Variants in ABCC2 observed in about 807,000 individuals in gnomAD.
The protein encoded by ABCC2 is ATP-binding cassette sub-family C member 2.
In ABCC2, 157 loss-of-function variants were observed where a neutral mutation model predicts 173.4. The observed-to-expected ratio is 0.91, with a 90% CI of 0.80 to 1.03. The LOEUF (loss-of-function observed/expected upper bound fraction) is 1.03. Among genes scored for constraint, ABCC2 ranks in the 50% least tolerant of loss-of-function variants. The pLI is 0.00. For missense variants in ABCC2, 1,822 were observed against 1,852.3 expected (o/e 0.98, Z 0.30); for synonymous variants, 657 against 693.5 (o/e 0.95, Z 0.83).
chr10:99,814,589 A>G (rs1391238977), intron 16 of ABCC2, among the ~76,000 whole-genome samples: 1 of 99,548 alleles, frequency 1.0e-5, no homozygotes, highest in Non-Finnish European at 2.2e-5. Context: ...GTGTATATAC[A>G]CATATACACA....
At chr10:99,814,378 C>CACGTATGTATACACACATGT in intron 16 of ABCC2, among the ~76,000 whole-genome samples, 1 of 24,126 alleles carries the variant, frequency 4.1e-5, no homozygotes, top group South Asian at 1.3e-3. Flanking sequence ...TATATATACA[C>CACGTATGTATACACACATGT]ATATATACAT....
intron 2 of ABCC2, among the ~76,000 whole-genome samples, chr10:99,790,148 A>G (rs1216303902): frequency 6.6e-6 from 1 of 152,208 alleles, no homozygotes; most frequent in Non-Finnish European, 1.5e-5. Context: ...AGGATATGTG[A>G]ACTCAGAATT....
At chr10:99,835,687 T>A (rs2038808979) in intron 24 of ABCC2, among the ~76,000 whole-genome samples, 1 of 152,138 alleles carries the variant, frequency 6.6e-6, no homozygotes, top group Non-Finnish European at 1.5e-5. Flanking sequence ...CCATCCCCAC[T>A]TTACACACCC....
chr10:99,810,159 A>C lies in ABCC2; in HGVS notation c.1841A>C (p.Glu614Ala), dbSNP rs781715954. The change falls in exon 14 of 32, where the codon GAG (glutamate) becomes GCG (alanine). Residue 614 changes from glutamate (E) to alanine (A), a missense_variant. Coordinates refer to ENST00000647814, the MANE Select transcript of ABCC2 (RefSeq NM_000392.5). ...LQASVSTERL[E>A]KYLGGDDLDT... Reference sequence around the variant, plus strand: ...GCCAGTGTTTCCACAGAGCGGCTAGAGAAGTACTTGGGAGGGGATGACTTG... The same window carrying C: ...GCCAGTGTTTCCACAGAGCGGCTAGCGAAGTACTTGGGAGGGGATGACTTG... 14 of 1,613,522 alleles carry C rather than the reference A, an allele frequency of 8.7e-6. No individual in the cohort carries two copies. The highest frequency in any genetic ancestry group is 1.1e-5 in the Non-Finnish European group (13 of 1,179,630).
chr10:99,787,393 T>G (rs910614340), intron 2 of ABCC2, among the ~76,000 whole-genome samples: 4 of 152,204 alleles, frequency 2.6e-5, no homozygotes, highest in Non-Finnish European at 5.9e-5. Flanking sequence ...CTTAGCACAA[T>G]GTGTTCAAGG....
In ABCC2 at chr10:99,834,495, T is replaced by C; in HGVS notation, c.3374T>C (p.Ile1125Thr). Reference protein sequence around the residue: ...MICMATPVFTIIVIPLGIIYV... With the variant: ...MICMATPVFTTIVIPLGIIYV... ...TGCATGGCCACTCCTGTCTTCACCA[T>C]CATCGTCATTCCTCTTGGCATTATT... The change falls in exon 24 of 32, where the codon ATC becomes ACC. Residue 1125 changes from isoleucine (I) to threonine (T), a missense_variant. Ile to Thr is a moderately conservative substitution (Grantham distance 89). Transcript: ENST00000647814. 6.2e-7 allele frequency: 1 copy of C among 1,614,202 alleles called. No individual in the cohort carries two copies. Among genetic ancestry groups the C allele is most frequent in the Non-Finnish European group, 8.5e-7 (1 of 1,180,038 alleles).
chr10:99,793,334 A>T (rs1180316649), intron 3 of ABCC2, among the ~76,000 whole-genome samples: 1 of 152,128 alleles, frequency 6.6e-6, no homozygotes, highest in Non-Finnish European at 1.5e-5. Flanking sequence ...ATCCCACTCA[A>T]GTGTGGTCCA....
chr10:99,797,010 A>T, intron 6 of ABCC2, 87 bp from the exon 7 acceptor site: 3 of 1,173,858 alleles, frequency 2.6e-6, no homozygotes, highest in Non-Finnish European at 2.5e-6. Flanking sequence ...TCTATCCCAG[A>T]ACCTGGAGGT....
In ABCC2 at chr10:99,808,221, A is replaced by G. The variant is rs1168560333; in HGVS notation, c.1807A>G (p.Met603Val). ...CATGCTTCCCATGATGATCTCCTCC[A>G]TGCTCCAGGTAGGTCGGCATTCTCA... is the stretch of plus-strand genomic sequence containing the variant. ...LSMLPMMISS[M>V]LQASVSTERL... The change falls in exon 13 of 32, where the codon ATG (methionine) becomes GTG (valine). Residue 603 changes from methionine (M) to valine (V), a missense_variant. Transcript: ENST00000647814. 1 of 1,614,062 alleles carries G rather than the reference A, an allele frequency of 6.2e-7. No homozygotes were observed. The highest frequency in any genetic ancestry group is 1.1e-5 in the South Asian group (1 of 91,074).
chr10:99,831,934 G>T, intron 22 of ABCC2, 43 bp from the exon 23 acceptor site: 1 of 1,614,100 alleles, frequency 6.2e-7, no homozygotes, highest in African/African-American at 1.3e-5. Context: ...AAGTCTTCAG[G>T]GATTCCTGTG....
At position 99,843,716 on chromosome 10, in the gene ABCC2, G is replaced by A. The variant is rs1377605036; in HGVS notation, c.3742-83G>A. The A allele has an allele frequency of 4.5e-6, 5 of 1,109,626 alleles. No individual in the cohort carries two copies. The East Asian group carries it at 7.0e-5, about 16-fold the overall frequency. 68.7% of individuals were successfully genotyped at this position (1,109,626 alleles called of 1,614,324 possible). On this transcript the variant is annotated intron_variant, in intron 26 of 31. Coordinates refer to ENST00000647814, the MANE Select transcript of ABCC2 (RefSeq NM_000392.5). The stretch of plus-strand genomic sequence containing the variant: ...CCAGCACAGTGCTGGGTACAAAGTC[G>A]GCACTGGATTGTCCTTGTGGTTTGA...
rs145350474 is a variant in ABCC2, at chr10:99,793,634, G to T, written c.417G>T (p.Ser139=). ...TCCTGTCCCTATTCTGGATTCTCTCGATACTCTGTGGCACTTTCCAATTTC... is the reference window on the plus strand; with the variant it reads ...TCCTGTCCCTATTCTGGATTCTCTCTATACTCTGTGGCACTTTCCAATTTC... The part of the protein sequence containing the change: ...SWFLSLFWIL[S]ILCGTFQFQT... The change falls in exon 4 of 32, where the codon TCG becomes TCT. Residue 139 remains serine (S), a synonymous_variant. Coordinates refer to ENST00000647814, the MANE Select transcript of ABCC2 (RefSeq NM_000392.5). 9.9e-6 allele frequency: 16 copies of T among 1,613,944 alleles called. No individual in the cohort carries two copies. Among genetic ancestry groups the T allele is most frequent in the Admixed American group, 3.3e-5 (2 of 59,984 alleles).
chr10:99,847,161 A>G (rs2133152601), intron 30 of ABCC2, 34 bp downstream of exon 30: 2 of 1,613,228 alleles, frequency 1.2e-6, no homozygotes, highest in Non-Finnish European at 1.7e-6. Flanking sequence ...CCTGCAGGCA[A>G]TGAGAGGATG....
intron 25 of ABCC2, among the ~76,000 whole-genome samples, chr10:99,840,503 C>CTTTTA (rs369102850): frequency 5.5e-4 from 73 of 133,580 alleles, no homozygotes; most frequent in East Asian, 3.7e-3. Context: ...TTTTCTTTTC[C>CTTTTA]TTTTATTTTA....
chr10:99,843,827 G>A lies in ABCC2; in HGVS notation c.3770G>A (p.Arg1257Lys), dbSNP rs368653746. The A allele has an allele frequency of 1.2e-6, 2 of 1,614,162 alleles. No homozygotes were observed. Among genetic ancestry groups the A allele is most frequent in the Non-Finnish European group, 1.7e-6 (2 of 1,180,022 alleles). ...NITQTLNWLV[R>K]MTSEIETNIV... ...ACACAAACCCTGAACTGGCTGGTGA[G>A]GATGACATCAGAAATAGAGACCAAC... The change falls in exon 27 of 32, where the codon AGG (arginine) becomes AAG (lysine). Residue 1257 changes from arginine (R) to lysine (K), a missense_variant. Physicochemically the swap from Arg to Lys is conservative, Grantham distance 26. Coordinates refer to ENST00000647814, the MANE Select transcript of ABCC2 (RefSeq NM_000392.5).
chr10:99,784,779 C>G lies in ABCC2; in HGVS notation c.205C>G (p.Gln69Glu). ...SSTTKLYLAK[Q>E]VFVGFLLILA... The stretch of plus-strand genomic sequence containing the variant: ...TACCACCAAACTCTATCTTGCTAAG[C>G]AGGTAAAGTTAACACCACTGTTTCT... The change falls in exon 2 of 32, where the codon CAG becomes GAG. Residue 69 changes from glutamine (Q) to glutamate (E), a missense_variant and splice_region_variant. By Grantham distance (29) the Gln-to-Glu change is conservative (BLOSUM62 2). Transcript: ENST00000647814. 1 of 1,614,066 alleles carries G rather than the reference C, an allele frequency of 6.2e-7. No homozygotes were observed.
At chr10:99,825,150 T>C (rs1291128111) in intron 19 of ABCC2, among the ~76,000 whole-genome samples, 1 of 151,188 alleles carries the variant, frequency 6.6e-6, no homozygotes, top group Non-Finnish European at 1.5e-5. Context: ...CTCGTGGGGC[T>C]ATATAATGGA....
rs1214053941 is a variant in ABCC2 at position 99,804,250 on chromosome 10, TC to T, written c.1443del (p.Thr482ProfsTer11). 12 of 1,613,922 alleles carry T rather than the reference TC, an allele frequency of 7.4e-6. No homozygotes were observed. Among genetic ancestry groups the T allele is most frequent in the Non-Finnish European group, 1.0e-5 (12 of 1,179,986 alleles). On this transcript the variant is annotated frameshift_variant, in exon 10 of 32. Coordinates refer to ENST00000647814, the MANE Select transcript of ABCC2 (RefSeq NM_000392.5). LOFTEE classifies it high-confidence loss of function. ...TGTAATCCCAATTAATGCGATACTGTCCACCAAGAGTAAGACCATTCAGGTA... is the reference window on the plus strand; with the variant it reads ...TGTAATCCCAATTAATGCGATACTGTCACCAAGAGTAAGACCATTCAGGTA... The part of the protein sequence containing the change: ...VLVIPINAIL[S>X]TKSKTIQVKN...
intron 2 of ABCC2, among the ~76,000 whole-genome samples, chr10:99,787,999 C>T (rs1564667801): frequency 2.0e-5 from 3 of 151,716 alleles, no homozygotes; most frequent in Non-Finnish European, 4.4e-5. Context: ...TCAAGGAGGT[C>T]AAGGCTGCAG....
Sources: gnomAD v4.1 joint callset for allele counts (sites outside exome capture counted in the v4.1 genomes callset) on GRCh38, gnomAD v4.1.1 for gene constraint, MANE v1.5 for transcripts, NCBI Gene and HGNC (gene_info 2026-07-23, HGNC 2026-07-21) for gene names.